ZBTB20: variants seen among roughly 807,000 people sequenced by gnomAD.
ZBTB20 encodes the protein zinc finger and BTB domain containing 20.
ZBTB20 carries 9 observed loss-of-function variants against 56.9 expected under a neutral mutation model. The observed-to-expected ratio is 0.16, with a 90% CI of 0.10 to 0.28. The LOEUF is 0.28. ZBTB20 is among the 10% of genes least tolerant of loss of function. The pLI is 1.00. For synonymous variants in ZBTB20, 417 were observed against 420.7 expected, an observed-to-expected ratio of 0.99 and a Z score of 0.11; for missense variants, 655 against 1,003.0, an observed-to-expected ratio of 0.65 and a Z score of 4.69.
At chr3:114,523,934 C>T (rs2046922053) in intron 6 of ZBTB20, among the ~76,000 whole-genome samples, 1 of 152,118 alleles carries the variant, frequency 6.6e-6, no homozygotes, top group Non-Finnish European at 1.5e-5. Context: ...TGAATTTAAA[C>T]TGAGAGTCAT....
intron 2 of ZBTB20, among the ~76,000 whole-genome samples, chr3:115,046,962 A>G (rs1560523362): frequency 6.6e-6 from 1 of 152,312 alleles, no homozygotes; most frequent in Non-Finnish European, 1.5e-5. Context: ...CCAACTTAAA[A>G]TTTAATTATC....
At chr3:114,384,887 T>C (rs1281627671) in intron 8 of ZBTB20, among the ~76,000 whole-genome samples, 1 of 152,254 alleles carries the variant, frequency 6.6e-6, no homozygotes, top group Non-Finnish European at 1.5e-5. Flanking sequence ...GCATTTGATG[T>C]ATATATTTCA....
intron 2 of ZBTB20, among the ~76,000 whole-genome samples, chr3:115,021,077 T>C (rs1263384218): frequency 2.0e-5 from 3 of 151,036 alleles, no homozygotes; most frequent in Non-Finnish European, 4.5e-5. Context: ...AACTTTTAAT[T>C]TACATTAATG....
At chr3:115,067,790 T>C (rs1002084894) in intron 2 of ZBTB20, among the ~76,000 whole-genome samples, 18 of 152,164 alleles carry the variant, frequency 1.2e-4, no homozygotes, top group African/African-American at 3.9e-4. Context: ...TACCATGATA[T>C]GCTCGCCATT....
At chr3:114,545,439 C>T (rs9853020) in intron 6 of ZBTB20, among the ~76,000 whole-genome samples, 10,975 of 152,190 alleles carry the variant, frequency 0.072, 586 homozygotes, top group Non-Finnish European at 0.1. Context: ...AGAACACTGG[C>T]TTTGGTACCA....
chr3:114,708,442 C>A (rs189522666), intron 5 of ZBTB20, among the ~76,000 whole-genome samples: 1 of 151,934 alleles, frequency 6.6e-6, no homozygotes, highest in African/African-American at 2.4e-5. Flanking sequence ...ACCCAGAAAT[C>A]TCACCTCTAG....
At chr3:115,015,477 C>T (rs1381044044) in intron 2 of ZBTB20, among the ~76,000 whole-genome samples, 1 of 151,668 alleles carries the variant, frequency 6.6e-6, no homozygotes, top group Non-Finnish European at 1.5e-5. Flanking sequence ...CCAACCCAAA[C>T]CCCTGAGAGG....
At chr3:114,763,299 G>C (rs1008773232) in intron 5 of ZBTB20, among the ~76,000 whole-genome samples, 1 of 152,108 alleles carries the variant, frequency 6.6e-6, no homozygotes, top group Non-Finnish European at 1.5e-5. Context: ...AATGTTTCTT[G>C]TCAGAAAACT....
intron 1 of ZBTB20, among the ~76,000 whole-genome samples, chr3:115,117,733 G>A (rs2084061046): frequency 6.6e-6 from 1 of 151,628 alleles, no homozygotes; most frequent in Non-Finnish European, 1.5e-5. Flanking sequence ...TATCTCACAA[G>A]TTTTCCTGTC....
At chr3:114,893,357 G>T (rs2076891921) in intron 4 of ZBTB20, among the ~76,000 whole-genome samples, 1 of 152,240 alleles carries the variant, frequency 6.6e-6, no homozygotes, top group East Asian at 1.9e-4. Flanking sequence ...TTTAAACCAG[G>T]CTAGACAGAC....
chr3:114,560,375 A>C (rs996347217), intron 6 of ZBTB20, among the ~76,000 whole-genome samples: 1 of 152,194 alleles, frequency 6.6e-6, no homozygotes, highest in Non-Finnish European at 1.5e-5. Flanking sequence ...ATTATGTACC[A>C]GGTCCTGCTC....
chr3:114,916,413 T>G (rs1445030766), intron 3 of ZBTB20, among the ~76,000 whole-genome samples: 1 of 152,120 alleles, frequency 6.6e-6, no homozygotes, highest in Non-Finnish European at 1.5e-5. Flanking sequence ...ATGTTGTTTT[T>G]CTATGTACAT....
intron 1 of ZBTB20, among the ~76,000 whole-genome samples, chr3:115,091,476 C>T (rs2083190586): frequency 6.6e-6 from 1 of 151,924 alleles, no homozygotes; most frequent in South Asian, 2.1e-4. Context: ...TAAAAATTAT[C>T]TTTACATCAA....
chr3:115,093,673 A>G (rs975906681), intron 1 of ZBTB20, among the ~76,000 whole-genome samples: 3 of 152,144 alleles, frequency 2.0e-5, no homozygotes, highest in Admixed American at 6.6e-5. Flanking sequence ...TTGTTGGTAA[A>G]GCTTCTTATC....
intron 5 of ZBTB20, among the ~76,000 whole-genome samples, chr3:114,757,586 G>A (rs1271907849): frequency 6.6e-6 from 1 of 152,036 alleles, no homozygotes; most frequent in East Asian, 1.9e-4. Flanking sequence ...CCCTCAAATA[G>A]TCACAGGAAA....
intron 4 of ZBTB20, among the ~76,000 whole-genome samples, chr3:114,870,578 G>A (rs1029816670): frequency 1.6e-4 from 24 of 151,498 alleles, no homozygotes; most frequent in African/African-American, 5.3e-4. Context: ...GGGAATGTGG[G>A]AACAAAGTTG....
At chr3:114,734,195 A>T (rs1345936706) in intron 5 of ZBTB20, among the ~76,000 whole-genome samples, 2 of 151,628 alleles carry the variant, frequency 1.3e-5, no homozygotes, top group Non-Finnish European at 2.9e-5. Context: ...ATAAATACAT[A>T]TATAATATGT....
chr3:114,520,577 T>C (rs910968104), intron 6 of ZBTB20, among the ~76,000 whole-genome samples: 2 of 152,146 alleles, frequency 1.3e-5, no homozygotes, highest in African/African-American at 4.8e-5. Flanking sequence ...ACATAAGTGT[T>C]TGTAAGTTCC....
intron 7 of ZBTB20, among the ~76,000 whole-genome samples, chr3:114,442,307 T>G (rs1559794443): frequency 6.6e-6 from 1 of 152,016 alleles, no homozygotes. Flanking sequence ...GAATAGAGAG[T>G]GAAAACTACT....
Sources: allele counts gnomAD v4.1 joint callset (sites outside exome capture counted in the v4.1 genomes callset), GRCh38; gene constraint gnomAD v4.1.1; transcripts MANE v1.5; gene names NCBI Gene and HGNC (gene_info 2026-07-23, HGNC 2026-07-21).